Variants in HPSE2 observed in about 807,000 individuals in gnomAD.
HPSE2 encodes the protein inactive heparanase-2.
A neutral mutation model predicts 60.5 loss-of-function variants in HPSE2; 38 were observed. The ratio of observed to expected loss-of-function variants is 0.63; its 90% confidence interval spans 0.48 to 0.82. The LOEUF (loss-of-function observed/expected upper bound fraction) is 0.82. Among genes scored for constraint, HPSE2 ranks in the 40% least tolerant of loss-of-function variants. The pLI is 0.00. For missense variants in HPSE2, 713 were observed against 740.4 expected (o/e 0.96, Z 0.43); for synonymous variants, 295 against 293.2 (o/e 1.01, Z -0.06).
chr10:98,856,522 T>G (rs1014603532), intron 3 of HPSE2, among the ~76,000 whole-genome samples: 10 of 151,758 alleles, frequency 6.6e-5, no homozygotes, highest in African/African-American at 1.5e-4. Flanking sequence ...GAAACAAAGG[T>G]AAGAATTATA....
chr10:99,079,919 G>A (rs11189959), intron 3 of HPSE2, among the ~76,000 whole-genome samples: 76 of 152,098 alleles, frequency 5.0e-4, no homozygotes, highest in African/African-American at 1.6e-3. Context: ...TATTAGATAC[G>A]TGGTCCAACT....
At chr10:98,463,367 A>T (rs1320689643) in intron 11 of HPSE2, among the ~76,000 whole-genome samples, 1 of 152,254 alleles carries the variant, frequency 6.6e-6, no homozygotes, top group African/African-American at 2.4e-5. Flanking sequence ...GGGGGTTGCC[A>T]GTTATTGTAA....
chr10:98,496,171 G>A (rs1005950558), intron 9 of HPSE2, among the ~76,000 whole-genome samples: 1 of 152,034 alleles, frequency 6.6e-6, no homozygotes, highest in East Asian at 1.9e-4. Flanking sequence ...TTTTGAGCCT[G>A]CACCTTTTCT....
chr10:98,823,510 C>T (rs1951470835), intron 3 of HPSE2, among the ~76,000 whole-genome samples: 2 of 152,114 alleles, frequency 1.3e-5, no homozygotes, highest in African/African-American at 2.4e-5. Flanking sequence ...CCTGTAGTCC[C>T]AGCCACTCAG....
At chr10:98,915,540 C>A (rs1232852534) in intron 3 of HPSE2, among the ~76,000 whole-genome samples, 7 of 152,078 alleles carry the variant, frequency 4.6e-5, no homozygotes, top group Admixed American at 1.3e-4. Flanking sequence ...ATAAATGCTT[C>A]TAGAATCTTT....
intron 3 of HPSE2, among the ~76,000 whole-genome samples, chr10:98,987,263 C>A (rs987186110): frequency 5.3e-5 from 8 of 152,058 alleles, no homozygotes; most frequent in Admixed American, 2.0e-4. Context: ...TACTGGCAAA[C>A]CAAATCCAGC....
chr10:98,638,335 C>T (rs512057), intron 7 of HPSE2, among the ~76,000 whole-genome samples: 25,607 of 151,182 alleles, frequency 0.17, 2,330 homozygotes, highest in Admixed American at 0.23. Flanking sequence ...GTCCCAGCTA[C>T]TCGGGAGGCT....
At chr10:98,609,810 T>G (rs935785393) in intron 9 of HPSE2, among the ~76,000 whole-genome samples, 6 of 151,854 alleles carry the variant, frequency 4.0e-5, no homozygotes, top group Non-Finnish European at 8.8e-5. Flanking sequence ...TATGATGCCT[T>G]CTAATTAGGT....
chr10:98,625,200 C>T (rs978142435), intron 7 of HPSE2, among the ~76,000 whole-genome samples: 14 of 152,094 alleles, frequency 9.2e-5, no homozygotes, highest in African/African-American at 2.9e-4. Context: ...TGATAAAGGG[C>T]GACTAAAACC....
At chr10:99,313,087 G>A in the HPSE2 span, among the ~76,000 whole-genome samples, 133,692 of 152,230 alleles carry the variant, frequency 0.88, 58,935 homozygotes, top group African/African-American at 0.95. Flanking sequence ...TGCCAGTATC[G>A]TGCTTCCTGT....
the HPSE2 span, among the ~76,000 whole-genome samples, chr10:99,272,443 C>T: frequency 1.3e-5 from 2 of 152,196 alleles, no homozygotes; most frequent in African/African-American, 4.8e-5. Context: ...AATTAATTAA[C>T]TGAAAAGCTT....
chr10:99,235,862 TATCTA>T, upstream of HPSE2: 1 of 1,462,768 alleles, frequency 6.8e-7, no homozygotes, highest in Non-Finnish European at 9.6e-7. Flanking sequence ...TAATTGTCCT[TATCTA>T]AAGTGTGTGT....
chr10:99,281,275 T>C, the HPSE2 span, among the ~76,000 whole-genome samples: 3 of 148,634 alleles, frequency 2.0e-5, no homozygotes, highest in Admixed American at 2.0e-4. Flanking sequence ...ATACTATATA[T>C]ACTATACATT....
At chr10:99,095,739 C>T in intron 3 of HPSE2, among the ~76,000 whole-genome samples, 1 of 152,184 alleles carries the variant, frequency 6.6e-6, no homozygotes, top group East Asian at 1.9e-4. Context: ...CTTCTTATTG[C>T]TAAGTAATAT....
intron 11 of HPSE2, among the ~76,000 whole-genome samples, chr10:98,467,524 C>G (rs1940589093): frequency 6.6e-6 from 1 of 151,932 alleles, no homozygotes; most frequent in Non-Finnish European, 1.5e-5. Flanking sequence ...GGAGGAGGGG[C>G]AGGGGAGAGA....
intron 2 of HPSE2, among the ~76,000 whole-genome samples, chr10:99,212,522 C>A (rs190492765): frequency 6.6e-6 from 1 of 152,126 alleles, no homozygotes; most frequent in Non-Finnish European, 1.5e-5. Flanking sequence ...CATGGATGAA[C>A]CTAGGCAACA....
intron 11 of HPSE2, among the ~76,000 whole-genome samples, chr10:98,472,237 A>G (rs1175372649): frequency 6.6e-6 from 1 of 151,918 alleles, no homozygotes; most frequent in African/African-American, 2.4e-5. Context: ...TCCGCTTTTT[A>G]CAGTGTCTAT....
the HPSE2 span, among the ~76,000 whole-genome samples, chr10:99,284,568 C>A: frequency 3.9e-5 from 6 of 152,128 alleles, no homozygotes; most frequent in Non-Finnish European, 7.4e-5. Context: ...ATTCTCATGA[C>A]TGTGTATTTG....
chr10:99,222,235 C>T (rs1849338861), intron 2 of HPSE2, among the ~76,000 whole-genome samples: 1 of 152,042 alleles, frequency 6.6e-6, no homozygotes, highest in South Asian at 2.1e-4. Flanking sequence ...AGAGAGACTG[C>T]CCTGGATTCA....
Sources: allele counts gnomAD v4.1 joint callset (sites outside exome capture counted in the v4.1 genomes callset), GRCh38; gene constraint gnomAD v4.1.1; transcripts MANE v1.5; gene names NCBI Gene and HGNC (gene_info 2026-07-23, HGNC 2026-07-21).